LRRK1: variants seen among roughly 807,000 people sequenced by gnomAD.
LRRK1 encodes the protein leucine rich repeat kinase 1.
In LRRK1, 113 loss-of-function variants were observed where a neutral mutation model predicts 209.1. The ratio of observed to expected loss-of-function variants is 0.54; its 90% CI spans 0.46 to 0.63. The LOEUF (loss-of-function observed/expected upper bound fraction) is 0.63, where lower values mean the gene tolerates loss of function less well. Among genes scored for constraint, LRRK1 ranks in the 30% least tolerant of loss-of-function variants. LRRK1 has a pLI of 0.00. For synonymous variants in LRRK1, 1,144 were observed against 1,099.7 expected, an observed-to-expected ratio of 1.04 and a Z score of -0.80; for missense variants, 2,284 against 2,632.2, an observed-to-expected ratio of 0.87 and a Z score of 2.89.
In LRRK1 at chr15:100,962,808, T is replaced by TATATATATATACATATATATATATATAC; in HGVS notation, c.98-10985_98-10984insCATATATATATATATACATATATATATA. Among the ~76,000 whole-genome samples the TATATATATATACATATATATATATATAC allele has an allele frequency of 1.0e-4, 3 of 28,688 alleles. 1 individual carries two copies. Among genetic ancestry groups the TATATATATATACATATATATATATATAC allele is most frequent in the African/African-American group, 3.4e-4 (3 of 8,938 alleles). The allele number at this position is 28,688 out of a possible 152,430, so 18.8% of individuals were successfully genotyped here. On this transcript the variant is annotated intron_variant, in intron 2 of 33. Transcript: ENST00000388948. Reference sequence around the variant, plus strand: ...ATTTCATTTTGCATATATATATATATATATATATATATATATTTTTTTTTT... The same window carrying TATATATATATACATATATATATATATAC: ...ATTTCATTTTGCATATATATATATATATATATATATACATATATATATATATACATATATATATATATATTTTTTTTTT...
At chr15:100,950,089 T>G (rs768962861) in intron 2 of LRRK1, among the ~76,000 whole-genome samples, 9 of 152,252 alleles carry the variant, frequency 5.9e-5, no homozygotes, top group Non-Finnish European at 1.3e-4. Context: ...GACATCATAC[T>G]GTACGTAGAA....
At chr15:101,058,616 A>C (rs1279694279) in intron 29 of LRRK1, among the ~76,000 whole-genome samples, 2 of 4,248 alleles carry the variant, frequency 4.7e-4, no homozygotes, top group Admixed American at 3.1e-3. Context: ...AGAAGGGGCA[A>C]CGGGGGGGGG....
In LRRK1 at chr15:101,070,464, C is replaced by T. The variant is rs2278953; in HGVS notation, c.*1616C>T. On this transcript the variant is annotated 3_prime_UTR_variant, in exon 34 of 34. Transcript: ENST00000388948. The stretch of plus-strand genomic sequence containing the variant: ...CTCTCCCTCTCCTCTCATTCCAGTG[C>T]CCCACAACTGCCCAGTTAACCCCCA... 40,877 of 151,852 alleles carry T rather than the reference C, an allele frequency of 0.27. 6,090 individuals carry two copies. Among genetic ancestry groups the T allele is most frequent in the East Asian group, 0.35 (1,796 of 5,142 alleles). 9.4% of individuals were successfully genotyped at this position (151,852 alleles called of 1,614,324 possible).
At chr15:100,927,892 C>G (rs1249403408) in intron 2 of LRRK1, among the ~76,000 whole-genome samples, 1 of 152,194 alleles carries the variant, frequency 6.6e-6, no homozygotes, top group East Asian at 1.9e-4. Context: ...GCCTACAGTG[C>G]TCCCTCTGTA....
intron 16 of LRRK1, 58 bp from the exon 17 acceptor site, chr15:101,025,907 T>A (rs190304625): frequency 2.5e-6 from 4 of 1,589,710 alleles, no homozygotes; most frequent in Non-Finnish European, 3.4e-6. Context: ...GGGAGCTCTG[T>A]CCTGTCCCTT....
At chr15:101,040,596 G>T (rs1207968116) in intron 20 of LRRK1, among the ~76,000 whole-genome samples, 1 of 151,972 alleles carries the variant, frequency 6.6e-6, no homozygotes, top group Non-Finnish European at 1.5e-5. Flanking sequence ...CCTTCTTAAG[G>T]TAGAAGCTTA....
Position 100,988,556 on chromosome 15 carries a change from G to A in LRRK1, c.434-78G>A, listed in dbSNP as rs779038082. On this transcript the variant is annotated intron_variant, in intron 4 of 33. Coordinates refer to ENST00000388948, the MANE Select transcript of LRRK1 (RefSeq NM_024652.6). ...ATTTAACCAGTCCATTGCTACTAGCGGTCTAAGGGAAGAGCAGAGTGGGAA... is the reference window on the plus strand; with the variant it reads ...ATTTAACCAGTCCATTGCTACTAGCAGTCTAAGGGAAGAGCAGAGTGGGAA... The A allele has an allele frequency of 5.8e-5, 77 of 1,317,792 alleles. No homozygotes were observed. In the East Asian group the frequency reaches 1.1e-3, roughly 18 times the overall value. The allele number at this position is 1,317,792 out of a possible 1,614,324, so 81.6% of individuals were successfully genotyped here.
chr15:101,045,031 A>G lies in LRRK1; in HGVS notation c.2964-950A>G, dbSNP rs574044816. Reference sequence around the variant, plus strand: ...TGTGTCATCTGCACAGCCCCCGTCTACCTTCACCAGCCCTGCCAAGAGGGG... The same window carrying G: ...TGTGTCATCTGCACAGCCCCCGTCTGCCTTCACCAGCCCTGCCAAGAGGGG... On this transcript the variant is annotated intron_variant, in intron 20 of 33. Coordinates refer to ENST00000388948, the MANE Select transcript of LRRK1 (RefSeq NM_024652.6). 5.1e-4 allele frequency among the ~76,000 whole-genome samples: 77 copies of G among 152,262 alleles called. 1 individual carries two copies. The highest frequency in any genetic ancestry group is 1.7e-3 in the African/African-American group (70 of 41,538).
chr15:101,047,370 C>T (rs2035141987), intron 21 of LRRK1, among the ~76,000 whole-genome samples: 1 of 152,196 alleles, frequency 6.6e-6, no homozygotes, highest in Non-Finnish European at 1.5e-5. Flanking sequence ...GGCGCTGGTG[C>T]TCCTACGTTC....
intron 20 of LRRK1, among the ~76,000 whole-genome samples, chr15:101,035,078 T>G (rs751159539): frequency 7.2e-5 from 11 of 152,112 alleles, no homozygotes; most frequent in Non-Finnish European, 1.5e-4. Context: ...GTTTTTTAAG[T>G]CTGTATTCCA....
At position 101,069,869 on chromosome 15, in the gene LRRK1, GCACATGCATTACA is replaced by G. The variant is rs1377776827; in HGVS notation, c.*1030_*1042del. 1 of 152,324 alleles carries G rather than the reference GCACATGCATTACA, an allele frequency of 6.6e-6. No individual in the cohort carries two copies. Among genetic ancestry groups the G allele is most frequent in the East Asian group, 1.9e-4 (1 of 5,198 alleles). 9.4% of individuals were successfully genotyped at this position (152,324 alleles called of 1,614,324 possible). Reference sequence around the variant, plus strand: ...CAACAGCAAACATTTTATAAACTATGCACATGCATTACACACATGCACACACATATGCACACAC... The same window carrying G: ...CAACAGCAAACATTTTATAAACTATGCACATGCACACACATATGCACACAC... On this transcript the variant is annotated 3_prime_UTR_variant, in exon 34 of 34. Coordinates refer to ENST00000388948, the MANE Select transcript of LRRK1 (RefSeq NM_024652.6).
At position 100,974,017 on chromosome 15, in the gene LRRK1, G is replaced by A. The variant is rs1239983367; in HGVS notation, c.261+50G>A. ...CCACCCATGCAGCCCCGGGCTGGACGAAGGGGACCGCTCAGATGATTTTCT... is the reference window on the plus strand; with the variant it reads ...CCACCCATGCAGCCCCGGGCTGGACAAAGGGGACCGCTCAGATGATTTTCT... On this transcript the variant is annotated intron_variant, in intron 3 of 33. Coordinates refer to ENST00000388948, the MANE Select transcript of LRRK1 (RefSeq NM_024652.6). 4.1e-6 allele frequency: 5 copies of A among 1,225,708 alleles called. No individual in the cohort carries two copies. The African/African-American group carries it at 4.7e-5, about 11-fold the overall frequency. The allele number at this position is 1,225,708 out of a possible 1,614,324, so 75.9% of individuals were successfully genotyped here. A position where few individuals can be genotyped will look rare whatever the true frequency, so the allele number is the denominator to read the frequency against.
intron 1 of LRRK1, among the ~76,000 whole-genome samples, 185 bp from the exon 2 acceptor site, chr15:100,924,326 C>A (rs1055673195): frequency 6.6e-6 from 1 of 152,144 alleles, no homozygotes; most frequent in African/African-American, 2.4e-5. Flanking sequence ...ACCTGAGCCC[C>A]GCATCAAGAT....
chr15:101,003,678 C>T (rs28582420), intron 6 of LRRK1, among the ~76,000 whole-genome samples: 57,733 of 152,022 alleles, frequency 0.38, 11,532 homozygotes, highest in East Asian at 0.52. Flanking sequence ...GAAACCGCCC[C>T]ATGATTTAAT....
intron 4 of LRRK1, among the ~76,000 whole-genome samples, chr15:100,987,753 A>G (rs1404653139): frequency 1.3e-5 from 2 of 152,196 alleles, no homozygotes; most frequent in Non-Finnish European, 2.9e-5. Flanking sequence ...CCAACAGGCA[A>G]ACTGAAACAG....
At chr15:100,962,820 T>C (rs1567202880) in intron 2 of LRRK1, among the ~76,000 whole-genome samples, 26 of 27,366 alleles carry the variant, frequency 9.5e-4, no homozygotes, top group Non-Finnish European at 1.2e-3. Flanking sequence ...TATATATATA[T>C]ATATTTTTTT....
At chr15:101,063,011 C>T (rs148113612) in intron 31 of LRRK1, among the ~76,000 whole-genome samples, 1 of 152,294 alleles carries the variant, frequency 6.6e-6, no homozygotes, top group Non-Finnish European at 1.5e-5. Context: ...GTGCCCTTCC[C>T]CTATCCGGAG....
chr15:101,011,898 C>T lies in LRRK1; in HGVS notation c.1282-110C>T, dbSNP rs572665474. The T allele has an allele frequency of 3.9e-6, 3 of 777,440 alleles. No homozygotes were observed. In the South Asian group the frequency reaches 5.2e-5, roughly 13 times the overall value. 48.2% of individuals were successfully genotyped at this position (777,440 alleles called of 1,614,324 possible). ...ACACTCAGTCATCTTCATTACAGGA[C>T]ATTATTGTAATGGTCCATTTTTAAC... On this transcript the variant is annotated intron_variant, in intron 9 of 33. Transcript: ENST00000388948.
chr15:100,990,710 A>T (rs1596244397), intron 6 of LRRK1, among the ~76,000 whole-genome samples: 3 of 138,700 alleles, frequency 2.2e-5, no homozygotes, highest in African/African-American at 2.8e-5. Flanking sequence ...TTTTTTTCTC[A>T]CTTTGGAGGG....
Sources: gnomAD v4.1 joint callset for allele counts (sites outside exome capture counted in the v4.1 genomes callset) on GRCh38, gnomAD v4.1.1 for gene constraint, MANE v1.5 for transcripts, NCBI Gene and HGNC (gene_info 2026-07-23, HGNC 2026-07-21) for gene names.